The following ACAP2 variants were observed in gnomAD, a reference collection of about 807,000 sequenced individuals.
ACAP2 encodes the protein arf-GAP with coiled-coil, ANK repeat and PH domain-containing protein 2.
In ACAP2, 39 loss-of-function variants were observed where a neutral mutation model predicts 115.8. The observed-to-expected ratio is 0.34, with a 90% CI of 0.26 to 0.44. The LOEUF (loss-of-function observed/expected upper bound fraction) is 0.44. ACAP2 is among the 20% of genes least tolerant of loss of function. The probability of loss-of-function intolerance (pLI) is 1.00; values close to 1 mark genes in which losing one functional copy is unlikely to be tolerated. For missense variants in ACAP2, 662 were observed against 927.6 expected (o/e 0.71, Z 3.72); for synonymous variants, 289 against 315.8 (o/e 0.92, Z 0.90).
chr3:195,387,264 C>G (rs913974581), intron 2 of ACAP2, among the ~76,000 whole-genome samples: 2 of 152,108 alleles, frequency 1.3e-5, no homozygotes, highest in African/African-American at 4.8e-5. Flanking sequence ...ATGTCAAGTC[C>G]ATCTAAATTA....
chr3:195,380,840 TCA>T (rs1216573964), intron 4 of ACAP2, among the ~76,000 whole-genome samples, 167 bp downstream of exon 4: 1 of 151,878 alleles, frequency 6.6e-6, no homozygotes, highest in Non-Finnish European at 1.5e-5. Flanking sequence ...ACACACACAC[TCA>T]CACACAAATA....
At chr3:195,325,786 T>C (rs1729754999) in intron 9 of ACAP2, among the ~76,000 whole-genome samples, 1 of 152,176 alleles carries the variant, frequency 6.6e-6, no homozygotes, top group South Asian at 2.1e-4. Flanking sequence ...TTAAAACTCA[T>C]TACCCATGAA....
At chr3:195,293,905 G>A (rs1436042528) in intron 18 of ACAP2, among the ~76,000 whole-genome samples, 3 of 150,830 alleles carry the variant, frequency 2.0e-5, no homozygotes, top group Admixed American at 6.6e-5. Flanking sequence ...AGGCCGAGGC[G>A]GGTGGATCAC....
chr3:195,355,423 G>A (rs1249219606), intron 4 of ACAP2, among the ~76,000 whole-genome samples: 1 of 151,348 alleles, frequency 6.6e-6, no homozygotes, highest in African/African-American at 2.4e-5. Flanking sequence ...TACTTTCCCA[G>A]GAGAAAATTC....
At chr3:195,366,843 T>A (rs1375316796) in intron 4 of ACAP2, among the ~76,000 whole-genome samples, 2 of 151,978 alleles carry the variant, frequency 1.3e-5, no homozygotes, top group African/African-American at 2.4e-5. Context: ...TCTCCGTAAA[T>A]GGGAAAAATG....
intron 11 of ACAP2, among the ~76,000 whole-genome samples, chr3:195,308,432 G>A (rs919613781): frequency 3.3e-5 from 5 of 152,062 alleles, no homozygotes; most frequent in Non-Finnish European, 5.9e-5. Flanking sequence ...CAGTTACCCT[G>A]ATTTGATCAT....
chr3:195,403,812 T>C (rs1485641413), intron 1 of ACAP2, among the ~76,000 whole-genome samples: 2 of 152,216 alleles, frequency 1.3e-5, no homozygotes, highest in Non-Finnish European at 2.9e-5. Flanking sequence ...ATACAAGTGA[T>C]GACTTCAAAT....
At chr3:195,436,106 T>C (rs1460194491) in intron 1 of ACAP2, among the ~76,000 whole-genome samples, 2 of 145,658 alleles carry the variant, frequency 1.4e-5, no homozygotes, top group Non-Finnish European at 3.0e-5. Flanking sequence ...CACACAGATA[T>C]ATACATATAT....
At chr3:195,429,353 T>C (rs1324123162) in intron 1 of ACAP2, among the ~76,000 whole-genome samples, 2 of 131,164 alleles carry the variant, frequency 1.5e-5, no homozygotes, top group African/African-American at 6.0e-5. Context: ...CACTCCAGCC[T>C]GGGCAAAAGA....
chr3:195,356,244 T>A (rs969298687), intron 4 of ACAP2: 1 of 454,784 alleles, frequency 2.2e-6, no homozygotes, highest in Non-Finnish European at 4.4e-6. Context: ...GTGCTGCCAA[T>A]CCCGGCAGAA....
intron 4 of ACAP2, among the ~76,000 whole-genome samples, chr3:195,345,840 CAA>C (rs1269583524): frequency 6.6e-6 from 1 of 152,110 alleles, no homozygotes; most frequent in Non-Finnish European, 1.5e-5. Context: ...ACAGTAGAGA[CAA>C]GAGTAAAATT....
intron 20 of ACAP2, among the ~76,000 whole-genome samples, chr3:195,290,039 G>A (rs1412905199): frequency 6.6e-6 from 1 of 151,964 alleles, no homozygotes; most frequent in Non-Finnish European, 1.5e-5. Flanking sequence ...ATAACTAAAT[G>A]GAGTCTATGA....
At chr3:195,303,636 G>A (rs555682994) in intron 13 of ACAP2, among the ~76,000 whole-genome samples, 1 of 151,926 alleles carries the variant, frequency 6.6e-6, no homozygotes, top group East Asian at 1.9e-4. Context: ...AGACATGGTG[G>A]TAAGCACCTG....
At chr3:195,365,122 G>A (rs1732629140) in intron 4 of ACAP2, among the ~76,000 whole-genome samples, 1 of 152,214 alleles carries the variant, frequency 6.6e-6, no homozygotes, top group Non-Finnish European at 1.5e-5. Flanking sequence ...AGCAGAGGCT[G>A]GGAAGGCTAG....
intron 21 of ACAP2, among the ~76,000 whole-genome samples, chr3:195,287,994 A>AG (rs1194070839): frequency 6.6e-6 from 1 of 151,944 alleles, no homozygotes; most frequent in Non-Finnish European, 1.5e-5. Flanking sequence ...CCAGCTACTC[A>AG]GGAGGCTGAG....
chr3:195,354,698 CT>C (rs780426521), intron 4 of ACAP2, among the ~76,000 whole-genome samples: 7 of 152,116 alleles, frequency 4.6e-5, no homozygotes, highest in Non-Finnish European at 7.4e-5. Context: ...TCAATTTTTG[CT>C]TTTGTTGCAG....
chr3:195,301,671 ACTAT>A, intron 14 of ACAP2, 27 bp from the exon 15 acceptor site: 1 of 1,587,936 alleles, frequency 6.3e-7, no homozygotes, highest in Non-Finnish European at 8.6e-7. Context: ...AGACTGCATT[ACTAT>A]CAAGTCTCTG....
At chr3:195,384,185 C>T (rs887677387) in intron 2 of ACAP2, among the ~76,000 whole-genome samples, 3 of 151,944 alleles carry the variant, frequency 2.0e-5, no homozygotes, top group Admixed American at 6.6e-5. Context: ...ATATTCACTG[C>T]GGTAACAGTA....
chr3:195,412,164 CAAAAAAAAAA>C (rs869120673), intron 1 of ACAP2, among the ~76,000 whole-genome samples: 218 of 48,604 alleles, frequency 4.5e-3, no homozygotes, highest in African/African-American at 0.014. Context: ...GACCCTGTCT[CAAAAAAAAAA>C]AAAAAAAAAA....
Sources: allele counts gnomAD v4.1 joint callset (sites outside exome capture counted in the v4.1 genomes callset), GRCh38; gene constraint gnomAD v4.1.1; transcripts MANE v1.5; gene names NCBI Gene and HGNC (gene_info 2026-07-23, HGNC 2026-07-21).